CDKAL1: variants seen among roughly 807,000 people sequenced by gnomAD.
CDKAL1 encodes the protein CDKAL1 threonylcarbamoyladenosine tRNA methylthiotransferase, also known as threonylcarbamoyladenosine tRNA methylthiotransferase.
Under a neutral mutation model 68.2 loss-of-function variants are expected in CDKAL1, and 32 were observed. That is an observed-to-expected ratio of 0.47 (90% CI 0.35 to 0.63). CDKAL1 has a LOEUF of 0.63. Among genes scored for constraint, CDKAL1 ranks in the 30% least tolerant of loss-of-function variants. The probability of loss-of-function intolerance (pLI) is 0.00; values close to 1 mark genes in which losing one functional copy is unlikely to be tolerated. For missense variants in CDKAL1, 606 were observed against 696.7 expected (o/e 0.87, Z 1.47); for synonymous variants, 234 against 244.3 (o/e 0.96, Z 0.39).
chr6:20,863,795 G>T (rs1446606772), intron 9 of CDKAL1, among the ~76,000 whole-genome samples: 1 of 152,094 alleles, frequency 6.6e-6, no homozygotes, highest in Non-Finnish European at 1.5e-5. Context: ...GAAATGAAGG[G>T]AATCATTTAT....
At chr6:20,663,426 A>G (rs1178827369) in intron 5 of CDKAL1, among the ~76,000 whole-genome samples, 1 of 152,136 alleles carries the variant, frequency 6.6e-6, no homozygotes, top group South Asian at 2.1e-4. Context: ...GAGGTCCTCA[A>G]CATACTTGTG....
At chr6:20,635,379 C>T (rs773880211) in intron 4 of CDKAL1, among the ~76,000 whole-genome samples, 3 of 152,178 alleles carry the variant, frequency 2.0e-5, no homozygotes, top group Non-Finnish European at 4.4e-5. Flanking sequence ...CAAAGGGCAA[C>T]TCCTGCTATT....
At chr6:20,605,446 A>G (rs1425209450) in intron 4 of CDKAL1, among the ~76,000 whole-genome samples, 1 of 152,156 alleles carries the variant, frequency 6.6e-6, no homozygotes, top group East Asian at 1.9e-4. Flanking sequence ...ATCTGTGCCA[A>G]TTCTGGGTCA....
Position 20,548,709 on chromosome 6 carries a change from A to T in CDKAL1, c.286+4A>T. 8.1e-7 allele frequency: 1 copy of T among 1,227,194 alleles called. No individual in the cohort carries two copies. Among genetic ancestry groups the T allele is most frequent in the Non-Finnish European group, 1.2e-6 (1 of 840,296 alleles). The allele number at this position is 1,227,194 out of a possible 1,614,324, so 76.0% of individuals were successfully genotyped here. The stretch of plus-strand genomic sequence containing the variant: ...GCTTATGGCTATAAAATTACAGGTA[A>T]TGAGATCTATAATATATTTTATTGA... On this transcript the variant is annotated splice_donor_region_variant and intron_variant, in intron 4 of 15. Transcript: ENST00000274695.
At chr6:20,729,865 T>C (rs1176906016) in intron 5 of CDKAL1, among the ~76,000 whole-genome samples, 1 of 152,210 alleles carries the variant, frequency 6.6e-6, no homozygotes, top group Non-Finnish European at 1.5e-5. Context: ...GTTGTACTTT[T>C]AGTTCTCTCC....
intron 9 of CDKAL1, among the ~76,000 whole-genome samples, chr6:20,949,298 T>G (rs904270592): frequency 1.3e-5 from 2 of 152,232 alleles, no homozygotes; most frequent in Non-Finnish European, 2.9e-5. Context: ...GTTAAGAGAC[T>G]ATGCAAGAAA....
chr6:21,060,801 A>G (rs1306057791), intron 11 of CDKAL1, among the ~76,000 whole-genome samples: 1 of 152,068 alleles, frequency 6.6e-6, no homozygotes, highest in African/African-American at 2.4e-5. Flanking sequence ...CCTCCACAGG[A>G]TAAGAATTAT....
chr6:20,865,542 A>C (rs531128075), intron 9 of CDKAL1, among the ~76,000 whole-genome samples: 10 of 152,274 alleles, frequency 6.6e-5, no homozygotes, highest in Non-Finnish European at 1.2e-4. Context: ...AAAGTGTTTT[A>C]ATATTTGTAT....
chr6:20,968,994 A>G (rs1359106060), intron 10 of CDKAL1, among the ~76,000 whole-genome samples: 3 of 152,104 alleles, frequency 2.0e-5, no homozygotes, highest in African/African-American at 7.2e-5. Flanking sequence ...CTTATGGTTT[A>G]TGATTTTTGT....
chr6:21,151,773 A>G (rs1776420879), intron 13 of CDKAL1, among the ~76,000 whole-genome samples: 1 of 152,238 alleles, frequency 6.6e-6, no homozygotes, highest in South Asian at 2.1e-4. Flanking sequence ...CATATCTTAC[A>G]TTTCTCTAAA....
At chr6:20,712,398 C>G (rs1771886319) in intron 5 of CDKAL1, among the ~76,000 whole-genome samples, 1 of 151,512 alleles carries the variant, frequency 6.6e-6, no homozygotes, top group African/African-American at 2.4e-5. Context: ...TCTTCTGTAT[C>G]TATAAGAGCA....
chr6:20,617,780 G>A (rs1289127195), intron 4 of CDKAL1, among the ~76,000 whole-genome samples: 1 of 152,166 alleles, frequency 6.6e-6, no homozygotes, highest in East Asian at 1.9e-4. Flanking sequence ...GTATTCCGTG[G>A]TGTATATGTG....
chr6:20,877,258 A>G (rs919616787), intron 9 of CDKAL1, among the ~76,000 whole-genome samples: 1 of 152,256 alleles, frequency 6.6e-6, no homozygotes, highest in African/African-American at 2.4e-5. Context: ...AAACACCTCA[A>G]CTGTTAAATA....
intron 4 of CDKAL1, among the ~76,000 whole-genome samples, chr6:20,639,676 CTTTTTGTTTTT>C (rs1768074523): frequency 6.6e-6 from 1 of 152,058 alleles, no homozygotes; most frequent in Non-Finnish European, 1.5e-5. Context: ...ATTTTGTTTT[CTTTTTGTTTTT>C]TGAGTTGGAG....
intron 5 of CDKAL1, among the ~76,000 whole-genome samples, chr6:20,711,534 G>T (rs1436903163): frequency 6.6e-6 from 1 of 152,198 alleles, no homozygotes; most frequent in Non-Finnish European, 1.5e-5. Flanking sequence ...GCAGGAATGA[G>T]TTGGATTTCA....
intron 3 of CDKAL1, among the ~76,000 whole-genome samples, chr6:20,547,255 A>G (rs929413503): frequency 1.3e-5 from 2 of 152,196 alleles, no homozygotes; most frequent in Non-Finnish European, 2.9e-5. Context: ...AAAAGAAATG[A>G]GATGTCAAAT....
chr6:20,621,502 G>T (rs1767188512), intron 4 of CDKAL1, among the ~76,000 whole-genome samples: 1 of 151,986 alleles, frequency 6.6e-6, no homozygotes, highest in Non-Finnish European at 1.5e-5. Context: ...GGAGTCGGGG[G>T]GTTGTGCTCC....
At chr6:20,722,962 A>G (rs1033281178) in intron 5 of CDKAL1, among the ~76,000 whole-genome samples, 2 of 152,024 alleles carry the variant, frequency 1.3e-5, no homozygotes, top group Non-Finnish European at 2.9e-5. Flanking sequence ...AGCTGTTTTC[A>G]TTGCTCAATA....
At chr6:20,566,200 T>C (rs923095728) in intron 4 of CDKAL1, among the ~76,000 whole-genome samples, 4 of 152,204 alleles carry the variant, frequency 2.6e-5, no homozygotes, top group Non-Finnish European at 5.9e-5. Context: ...AATAGCATTA[T>C]ATATTCGTTA....
Sources: allele counts gnomAD v4.1 joint callset (sites outside exome capture counted in the v4.1 genomes callset), GRCh38; gene constraint gnomAD v4.1.1; transcripts MANE v1.5; gene names NCBI Gene and HGNC (gene_info 2026-07-23, HGNC 2026-07-21).